PCDH7: variants seen among roughly 807,000 people sequenced by gnomAD.
PCDH7 encodes the protein protocadherin 7.
A neutral mutation model predicts 58.9 loss-of-function variants in PCDH7; 17 were observed. The observed-to-expected ratio is 0.29, with a 90% CI of 0.20 to 0.43. The LOEUF is 0.43. Ranked by LOEUF, PCDH7 falls within the 20% of genes least tolerant of loss-of-function variation. PCDH7 has a pLI of 1.00. For missense variants in PCDH7, 1,274 were observed against 1,441.0 expected (o/e 0.88, Z 1.88); for synonymous variants, 664 against 616.4 (o/e 1.08, Z -1.14).
chr4:30,781,540 T>A (rs558250598), intron 1 of PCDH7, among the ~76,000 whole-genome samples: 1 of 150,788 alleles, frequency 6.6e-6, no homozygotes, highest in African/African-American at 2.4e-5. Flanking sequence ...TCTCTCTATT[T>A]TTTTTTTTTT....
intron 2 of PCDH7, among the ~76,000 whole-genome samples, chr4:30,924,817 G>GAAAAAAA (rs35532582): frequency 6.8e-6 from 1 of 147,208 alleles, no homozygotes. Context: ...GAGTACAAAT[G>GAAAAAAA]AAAAAAAAAA....
intron 1 of PCDH7, among the ~76,000 whole-genome samples, chr4:30,859,738 C>G (rs1435478939): frequency 6.6e-6 from 1 of 152,034 alleles, no homozygotes; most frequent in African/African-American, 2.4e-5. Context: ...CCATGCCGGG[C>G]CAGCTCTGAT....
At chr4:30,943,508 A>C (rs186265994) in intron 2 of PCDH7, among the ~76,000 whole-genome samples, 38 of 152,254 alleles carry the variant, frequency 2.5e-4, no homozygotes, top group Admixed American at 3.3e-4. Flanking sequence ...AAAACAAAAC[A>C]AAACCAAACC....
intron 3 of PCDH7, among the ~76,000 whole-genome samples, chr4:31,102,866 T>A (rs531771874): frequency 1.4e-4 from 22 of 152,314 alleles, no homozygotes; most frequent in Non-Finnish European, 2.8e-4. Flanking sequence ...TAATTTAGAT[T>A]CATTGTGAGA....
intron 1 of PCDH7, among the ~76,000 whole-genome samples, chr4:30,795,225 C>T (rs927133423): frequency 3.9e-5 from 6 of 152,110 alleles, no homozygotes; most frequent in Non-Finnish European, 7.4e-5. Context: ...AAGCAATATT[C>T]CTGCCTCAGC....
intron 1 of PCDH7, among the ~76,000 whole-genome samples, chr4:30,843,022 C>A (rs1731410746): frequency 1.3e-5 from 2 of 151,004 alleles, no homozygotes; most frequent in Admixed American, 1.3e-4. Context: ...TTACTACCGG[C>A]ATATGGTAGG....
In PCDH7 at chr4:31,135,076, CTGTTT is replaced by C. The variant is rs1303745196; in HGVS notation, c.*8-7390_*8-7386del. ...AATCTTCATAGCTCATGCTGAATGGCTGTTTTGTTTTATGATTTTTGATGTATGGT... is the reference window on the plus strand; with the variant it reads ...AATCTTCATAGCTCATGCTGAATGGCTGTTTTATGATTTTTGATGTATGGT... On this transcript the variant is annotated intron_variant, in intron 3 of 3. Coordinates refer to the PCDH7 transcript ENST00000509759. 3.9e-5 allele frequency among the ~76,000 whole-genome samples: 6 copies of C among 152,196 alleles called. No homozygotes were observed. The East Asian group carries it at 7.7e-4, about 20-fold the overall frequency.
At chr4:31,038,708 G>T (rs1755611254) in intron 3 of PCDH7, among the ~76,000 whole-genome samples, 2 of 152,262 alleles carry the variant, frequency 1.3e-5, no homozygotes, top group South Asian at 4.1e-4. Flanking sequence ...ATAGTTCCCT[G>T]ATTTTCAATT....
chr4:30,974,092 G>GC (rs974697431), intron 3 of PCDH7, among the ~76,000 whole-genome samples: 2 of 151,402 alleles, frequency 1.3e-5, no homozygotes, highest in Non-Finnish European at 2.9e-5. Flanking sequence ...TATTTCTCAT[G>GC]CCAGTTATGA....
intron 3 of PCDH7, among the ~76,000 whole-genome samples, chr4:30,988,212 A>G (rs1182528774): frequency 6.6e-6 from 1 of 151,940 alleles, no homozygotes; most frequent in Non-Finnish European, 1.5e-5. Context: ...ACCATGTGAT[A>G]GGAAATGAGG....
At chr4:30,931,751 C>T (rs1291661817) in intron 2 of PCDH7, among the ~76,000 whole-genome samples, 5 of 151,214 alleles carry the variant, frequency 3.3e-5, no homozygotes, top group African/African-American at 9.7e-5. Flanking sequence ...TATCAGAGGC[C>T]GGGGCATAGT....
intron 3 of PCDH7, among the ~76,000 whole-genome samples, chr4:31,013,950 A>T (rs945339206): frequency 1.1e-4 from 16 of 152,186 alleles, no homozygotes; most frequent in African/African-American, 3.4e-4. Context: ...TATGATTTGC[A>T]ACTAATTATC....
intron 1 of PCDH7, among the ~76,000 whole-genome samples, chr4:30,917,824 A>G (rs1025996949): frequency 3.9e-5 from 6 of 152,122 alleles, no homozygotes; most frequent in Non-Finnish European, 7.4e-5. Flanking sequence ...CTGCTAGCCT[A>G]TCCACTTTTT....
chr4:31,080,403 A>G (rs28719509), intron 3 of PCDH7, among the ~76,000 whole-genome samples: 5,161 of 152,260 alleles, frequency 0.034, 268 homozygotes, highest in African/African-American at 0.12. Flanking sequence ...TTACCTAAAA[A>G]ATGGTAACAG....
At chr4:30,847,786 T>G (rs1432245036) in intron 1 of PCDH7, among the ~76,000 whole-genome samples, 1 of 152,126 alleles carries the variant, frequency 6.6e-6, no homozygotes. Context: ...ACCACAGCTT[T>G]TCAATCTTAT....
At chr4:31,114,392 A>T (rs1347533436) in intron 3 of PCDH7, among the ~76,000 whole-genome samples, 1 of 152,134 alleles carries the variant, frequency 6.6e-6, no homozygotes, top group Non-Finnish European at 1.5e-5. Context: ...CTAGTATATT[A>T]CCTTGAAATA....
In PCDH7 at chr4:30,807,401, A is replaced by G. The variant is rs541690479; in HGVS notation, c.70+82805A>G. Among the ~76,000 whole-genome samples, 8 of 152,166 alleles carry G rather than the reference A, an allele frequency of 5.3e-5. No homozygotes were observed. In the South Asian group the frequency reaches 1.2e-3, roughly 24 times the overall value. On this transcript the variant is annotated intron_variant, in intron 1 of 3. Coordinates refer to the PCDH7 transcript ENST00000509759. ...CATTATTTTCGAAGCAATGATACCTATTTTTCTGGGACTCTATTTGTTATG... is the reference window on the plus strand; with the variant it reads ...CATTATTTTCGAAGCAATGATACCTGTTTTTCTGGGACTCTATTTGTTATG...
intron 3 of PCDH7, among the ~76,000 whole-genome samples, chr4:31,019,601 C>A (rs189596309): frequency 2.0e-5 from 3 of 151,462 alleles, no homozygotes; most frequent in Non-Finnish European, 4.4e-5. Flanking sequence ...GAGGCTGAGG[C>A]AGGCTTTAAC....
intron 1 of PCDH7, among the ~76,000 whole-genome samples, chr4:30,904,177 G>A (rs1267970343): frequency 6.6e-6 from 1 of 152,014 alleles, no homozygotes; most frequent in Non-Finnish European, 1.5e-5. Flanking sequence ...CTATTGCTTT[G>A]TAAGAAACTA....
Sources: gnomAD v4.1 joint callset for allele counts (sites outside exome capture counted in the v4.1 genomes callset) on GRCh38, gnomAD v4.1.1 for gene constraint, MANE v1.5 for transcripts, NCBI Gene and HGNC (gene_info 2026-07-23, HGNC 2026-07-21) for gene names.